Variants in RBM19 observed in about 807,000 individuals in gnomAD.
The protein encoded by RBM19 is probable RNA-binding protein 19.
A neutral mutation model predicts 116.8 loss-of-function variants in RBM19; 94 were observed. The ratio of observed to expected loss-of-function variants is 0.80; its 90% CI spans 0.68 to 0.95. The LOEUF is 0.95. RBM19 is among the 40% of genes least tolerant of loss of function. The pLI is 0.00. For synonymous variants in RBM19, 475 were observed against 494.1 expected (o/e 0.96, Z 0.51); for missense variants, 1,161 against 1,220.7 (o/e 0.95, Z 0.73).
intron 13 of RBM19, 100 bp from the exon 14 acceptor site, chr12:113,942,534 T>C: frequency 1.1e-6 from 1 of 920,524 alleles, no homozygotes; most frequent in Non-Finnish European, 1.6e-6. Flanking sequence ...GGGATGGAAA[T>C]GGATTCCACG....
chr12:113,859,126 G>C (rs933901460), intron 21 of RBM19, among the ~76,000 whole-genome samples: 2 of 152,236 alleles, frequency 1.3e-5, no homozygotes, highest in African/African-American at 4.8e-5. Context: ...GATGTGAATG[G>C]AGAATTTTTA....
rs200912470 is a variant in RBM19 at position 113,959,237 on chromosome 12, C to A, written c.546G>T (p.Glu182Asp). ...CTTCCAGGTCCTCCCCGGCTCCCTCCTCCTCACTCTCCTGCCCAGAATCGG... is the reference window on the plus strand; with the variant it reads ...CTTCCAGGTCCTCCCCGGCTCCCTCATCCTCACTCTCCTGCCCAGAATCGG... ...FDSDSGQESE[E>D]EGAGEDLEEE... is the part of the protein sequence containing the mutation. Residue 182 changes from glutamate (E) to aspartate (D), a missense_variant, in exon 5 of 24, where the codon GAG (glutamate) becomes GAT (aspartate). Physicochemically the swap from Glu to Asp is conservative, Grantham distance 45. Coordinates refer to ENST00000261741, the MANE Select transcript of RBM19 (RefSeq NM_016196.4). 3.5e-5 allele frequency: 56 copies of A among 1,612,370 alleles called. No individual in the cohort carries two copies. The highest frequency in any genetic ancestry group is 4.6e-5 in the Non-Finnish European group (54 of 1,179,464).
intron 22 of RBM19, among the ~76,000 whole-genome samples, chr12:113,847,932 T>C (rs549452974): frequency 6.6e-6 from 1 of 152,334 alleles, no homozygotes; most frequent in South Asian, 2.1e-4. Flanking sequence ...TATTGGCCTC[T>C]CTCTGGAAGA....
rs907823767 is a variant in RBM19 at position 113,903,293 on chromosome 12, C to T, written c.2558+11676G>A. 1.3e-5 allele frequency among the ~76,000 whole-genome samples: 2 copies of T among 152,204 alleles called. No individual in the cohort carries two copies. The highest frequency in any genetic ancestry group is 2.4e-5 in the African/African-American group (1 of 41,454). On this transcript the variant is annotated intron_variant, in intron 21 of 23. Coordinates refer to ENST00000261741, the MANE Select transcript of RBM19 (RefSeq NM_016196.4). The surrounding 1 kb of genome is among the most constrained non-coding windows in gnomAD (Gnocchi z 5.1). ...CAGAATCATAGGATACGTGGCCTTT[C>T]GTGTCTGGCTTCTTTCACTCAGCAT...
At chr12:113,886,690 G>A (rs1364272002) in intron 21 of RBM19, among the ~76,000 whole-genome samples, 1 of 152,046 alleles carries the variant, frequency 6.6e-6, no homozygotes. Context: ...TTTTGTTTTT[G>A]TTTTTGTTTT....
chr12:113,869,145 C>T (rs1012972244), intron 21 of RBM19, among the ~76,000 whole-genome samples: 1 of 152,138 alleles, frequency 6.6e-6, no homozygotes, highest in South Asian at 2.1e-4. Flanking sequence ...TGGGTCAAAG[C>T]GAGGAACTGG....
chr12:113,861,517 G>GTGTGTGT (rs1878381784), intron 21 of RBM19, among the ~76,000 whole-genome samples: 1 of 76,892 alleles, frequency 1.3e-5, no homozygotes, highest in Non-Finnish European at 2.7e-5. Flanking sequence ...TGTGTGTGAA[G>GTGTGTGT]GAGAGAAGGG....
chr12:113,952,551 C>T lies in RBM19; in HGVS notation c.961G>A (p.Ala321Thr). ...MEFLAPLKPV[A>T]IRIVRNAHGN... The stretch of plus-strand genomic sequence containing the variant: ...TGAGCGTTTCTCACAATTCGAATGG[C>T]CACTGGTTTCAGGGGTGCCAGGAAT... Residue 321 changes from alanine (A) to threonine (T), a missense_variant, in exon 8 of 24, where the codon GCC (alanine) becomes ACC (threonine). Transcript: ENST00000261741. 6.2e-7 allele frequency: 1 copy of T among 1,613,992 alleles called. No individual in the cohort carries two copies.
At chr12:113,872,816 C>T (rs1879363728) in intron 21 of RBM19, among the ~76,000 whole-genome samples, 4 of 96,078 alleles carry the variant, frequency 4.2e-5, no homozygotes, top group African/African-American at 8.0e-5. Flanking sequence ...TCTGCCCGGC[C>T]GCCCCTACTG....
At chr12:113,947,886 C>A (rs569271423) in intron 10 of RBM19, among the ~76,000 whole-genome samples, 61 of 152,150 alleles carry the variant, frequency 4.0e-4, no homozygotes, top group Non-Finnish European at 1.2e-4. Flanking sequence ...AGGGTGTGAC[C>A]GCGTCCCCTC....
chr12:113,851,734 GT>G (rs11361920), intron 22 of RBM19, among the ~76,000 whole-genome samples: 14,599 of 144,170 alleles, frequency 0.1, 827 homozygotes, highest in South Asian at 0.14. Flanking sequence ...TTGTGGTAAA[GT>G]TTTTTTTTTT....
At chr12:113,911,151 T>G (rs1318455552) in intron 21 of RBM19, among the ~76,000 whole-genome samples, 1 of 152,198 alleles carries the variant, frequency 6.6e-6, no homozygotes, top group Non-Finnish European at 1.5e-5. Flanking sequence ...AGCTGACCAC[T>G]GGCCATTTCC....
rs950045957 is a variant in RBM19, at chr12:113,844,723, G to A, written c.2730C>T (p.Ala910=). The A allele has an allele frequency of 7.6e-5, 122 of 1,613,300 alleles. No individual in the cohort carries two copies. The highest frequency in any genetic ancestry group is 9.3e-5 in the African/African-American group (7 of 74,934). The change falls in exon 23 of 24, where the codon GCC becomes GCT. Residue 910 remains alanine, a synonymous_variant. Transcript: ENST00000261741. ...GGGCCTGCAGGGTCACCTCGGAGTC[G>A]GCCCACTCCAGCACCAGCCTCCGCC... ...LYGRRLVLEW[A]DSEVTLQALR...
At chr12:113,845,574 C>A (rs561930132) in intron 22 of RBM19, among the ~76,000 whole-genome samples, 1 of 152,202 alleles carries the variant, frequency 6.6e-6, no homozygotes, top group Admixed American at 6.5e-5. Flanking sequence ...ATTTTCATCA[C>A]CCCCAAAGGA....
intron 15 of RBM19, chr12:113,937,389 C>T (rs777960922): frequency 9.0e-6 from 3 of 331,680 alleles, no homozygotes; most frequent in African/African-American, 2.1e-5. Context: ...TATGGCAGCT[C>T]CCAGGCCCCC....
Position 113,852,633 on chromosome 12 carries a change from AC to A in RBM19, c.2664+6157del, listed in dbSNP as rs1877546422. On this transcript the variant is annotated intron_variant, in intron 22 of 23. Coordinates refer to ENST00000261741, the MANE Select transcript of RBM19 (RefSeq NM_016196.4). ...TGGGGGCCCAGAGGAACACTCAGCC[AC>A]CCTCACTTCTTTGGTGTCACGTGCC... is the stretch of plus-strand genomic sequence containing the variant. Among the ~76,000 whole-genome samples, 3 of 152,296 alleles carry A rather than the reference AC, an allele frequency of 2.0e-5. No homozygotes were observed. In the South Asian group the frequency reaches 6.2e-4, roughly 32 times the overall value.
chr12:113,862,021 CCTT>C, intron 21 of RBM19, among the ~76,000 whole-genome samples: 1 of 152,216 alleles, frequency 6.6e-6, no homozygotes, highest in East Asian at 1.9e-4. Context: ...TTTCTTTCCT[CCTT>C]CTAAGAACAG....
chr12:113,854,017 C>A (rs76725348), intron 22 of RBM19, among the ~76,000 whole-genome samples: 14 of 152,048 alleles, frequency 9.2e-5, no homozygotes, highest in Non-Finnish European at 1.9e-4. Context: ...CAGAGCCTGG[C>A]GTGGAGATAC....
chr12:113,898,851 C>T lies in RBM19; in HGVS notation c.2558+16118G>A, dbSNP rs542766841. On this transcript the variant is annotated intron_variant, in intron 21 of 23. Coordinates refer to ENST00000261741, the MANE Select transcript of RBM19 (RefSeq NM_016196.4). This position sits in a 1 kb window ranked among gnomAD's most constrained non-coding sequence, Gnocchi z 4.3. ...TTCTGCAAAACGACATCATCCATCACGCTAAAATAATGTTGTTAATTTGAA... is the reference window on the plus strand; with the variant it reads ...TTCTGCAAAACGACATCATCCATCATGCTAAAATAATGTTGTTAATTTGAA... 3.9e-5 allele frequency among the ~76,000 whole-genome samples: 6 copies of T among 152,264 alleles called. No homozygotes were observed. The highest frequency in any genetic ancestry group is 6.5e-5 in the Admixed American group (1 of 15,304).
Sources: gnomAD v4.1 joint callset for allele counts (sites outside exome capture counted in the v4.1 genomes callset) on GRCh38, gnomAD v4.1.1 for gene constraint, Gnocchi (gnomAD v3.1) non-coding constraint, MANE v1.5 for transcripts, NCBI Gene and HGNC (gene_info 2026-07-23, HGNC 2026-07-21) for gene names.